Variants in ZP4 observed in about 807,000 individuals in gnomAD.
ZP4 encodes zona pellucida glycoprotein 4, also known as zona pellucida sperm-binding protein 4.
A neutral mutation model predicts 62.3 loss-of-function variants in ZP4; 62 were observed. The ratio of observed to expected loss-of-function variants is 0.99; its 90% CI spans 0.81 to 1.23. ZP4 has a LOEUF of 1.23. Ranked by LOEUF, ZP4 falls within the 50% of genes most tolerant of loss-of-function variation. ZP4 has a pLI of 0.00. For synonymous variants in ZP4, 289 were observed against 247.3 expected, an observed-to-expected ratio of 1.17 and a Z score of -1.58; for missense variants, 774 against 656.0, an observed-to-expected ratio of 1.18 and a Z score of -1.97.
At chr1:237,884,016 AAACACAC>A (rs1558531052) in intron 10 of ZP4, among the ~76,000 whole-genome samples, 1,133 of 80,340 alleles carry the variant, frequency 0.014, 12 homozygotes, top group Non-Finnish European at 0.019. Context: ...ACACACACAC[AAACACAC>A]ACACACACAA....
At chr1:237,890,292 G>A in intron 1 of ZP4, 116 bp from the exon 2 acceptor site, 3 of 1,545,212 alleles carry the variant, frequency 1.9e-6, no homozygotes, top group Non-Finnish European at 2.7e-6. Flanking sequence ...GAACAAGAGG[G>A]AAATCAGATT....
intron 3 of ZP4, among the ~76,000 whole-genome samples, chr1:237,889,624 T>C (rs1665189779): frequency 6.6e-6 from 1 of 152,156 alleles, no homozygotes; most frequent in African/African-American, 2.4e-5. Flanking sequence ...GCAGTAGTAT[T>C]TGCAGCACTA....
rs561134216 is a variant in ZP4, at chr1:237,889,387, C to T, written c.400+480G>A. Reference sequence around the variant, plus strand: ...AGGCTGTAGTGCAAGGGCACGATCTCAGCTCACCACAACCTCAGCCTCCCA... The same window carrying T: ...AGGCTGTAGTGCAAGGGCACGATCTTAGCTCACCACAACCTCAGCCTCCCA... On this transcript the variant is annotated intron_variant, in intron 3 of 11. Transcript: ENST00000366570. 2.6e-3 allele frequency among the ~76,000 whole-genome samples: 384 copies of T among 150,250 alleles called. 2 individuals carry two copies. The highest frequency in any genetic ancestry group is 4.0e-3 in the Non-Finnish European group (268 of 67,754).
chr1:237,883,102 T>C (rs1460421990), intron 10 of ZP4, among the ~76,000 whole-genome samples: 6 of 152,194 alleles, frequency 3.9e-5, no homozygotes, highest in Non-Finnish European at 7.3e-5. Context: ...AATAGTACTT[T>C]GACAGTATCA....
chr1:237,890,681 T>C lies in ZP4; in HGVS notation c.-46A>G, dbSNP rs1020875316. 7 of 1,580,230 alleles carry C rather than the reference T, an allele frequency of 4.4e-6. No individual in the cohort carries two copies. In the African/African-American group the frequency reaches 8.1e-5, roughly 18 times the overall value. Reference sequence around the variant, plus strand: ...CCGGCTGCAGACTCTCCGCCTCCTCTCCCAAGAGCCGAGGGTCTGCCTGCC... The same window carrying C: ...CCGGCTGCAGACTCTCCGCCTCCTCCCCCAAGAGCCGAGGGTCTGCCTGCC... On this transcript the variant is annotated 5_prime_UTR_variant, in exon 1 of 12. Transcript: ENST00000366570.
intron 3 of ZP4, among the ~76,000 whole-genome samples, chr1:237,889,215 G>C (rs1665178751): frequency 6.6e-6 from 1 of 152,012 alleles, no homozygotes; most frequent in Non-Finnish European, 1.5e-5. Context: ...TCTCCCCATG[G>C]GTGAAAAGCT....
chr1:237,890,446 A>G lies in ZP4; in HGVS notation c.175+15T>C. 6.2e-7 allele frequency: 1 copy of G among 1,600,510 alleles called. No homozygotes were observed. Among genetic ancestry groups the G allele is most frequent in the Non-Finnish European group, 8.5e-7 (1 of 1,173,854 alleles). On this transcript the variant is annotated intron_variant, in intron 1 of 11. Coordinates refer to ENST00000366570, the MANE Select transcript of ZP4 (RefSeq NM_021186.5). The stretch of plus-strand genomic sequence containing the variant: ...TATCATTGCTTGGCTAAGCAAGGCA[A>G]GTCATCAAACTTACCCCAAGCTATT...
chr1:237,883,738 A>AGGGAGAGG (rs1664987691), intron 10 of ZP4, among the ~76,000 whole-genome samples: 1 of 45,688 alleles, frequency 2.2e-5, no homozygotes, highest in Non-Finnish European at 5.4e-5. Context: ...GGAGGGAGAG[A>AGGGAGAGG]GAGGGAGAGA....
In ZP4 at chr1:237,888,504, T is replaced by A; in HGVS notation, c.407A>T (p.Asp136Val). The change falls in exon 4 of 12, where the codon GAT (aspartate) becomes GTT (valine). Residue 136 changes from aspartate (D) to valine (V), a missense_variant. Transcript: ENST00000366570. ...GTCACACCAGTCAGTATCTGGAGCA[T>A]CTCGGGCTAGGTTTTGAAAAAGAGT... ...LKCPMDLLAR[D>V]APDTDWCDSI... is the part of the protein sequence containing the mutation. 1.3e-6 allele frequency: 2 copies of A among 1,591,934 alleles called. No homozygotes were observed. The highest frequency in any genetic ancestry group is 1.1e-5 in the South Asian group (1 of 88,636).
chr1:237,885,431 C>CA lies in ZP4; in HGVS notation c.1119dup (p.Asp374Ter). ...GGCCACTGTGGCTGACTCAGGGGGTCAGTGCTGGGTGTTGCCCAACACTGT... is the reference window on the plus strand; with the variant it reads ...GGCCACTGTGGCTGACTCAGGGGGTCAAGTGCTGGGTGTTGCCCAACACTGT... On this transcript the variant is annotated frameshift_variant, in exon 8 of 12. Coordinates refer to ENST00000366570, the MANE Select transcript of ZP4 (RefSeq NM_021186.5). LOFTEE classifies it high-confidence loss of function. 3 of 1,613,242 alleles carry CA rather than the reference C, an allele frequency of 1.9e-6. No individual in the cohort carries two copies. Among genetic ancestry groups the CA allele is most frequent in the South Asian group, 2.2e-5 (2 of 90,976 alleles).
In ZP4 at chr1:237,885,856, A is replaced by G. The variant is rs145577798; in HGVS notation, c.870T>C (p.Ser290=). 3.7e-6 allele frequency: 6 copies of G among 1,614,174 alleles called. No homozygotes were observed. The highest frequency in any genetic ancestry group is 3.4e-6 in the Non-Finnish European group (4 of 1,180,040). ...RLHVSCSYSV[S]SNSLPINVQV... ...GGACATTGATTGGGAGAGAGTTGCT[A>G]CTTACTGAGTAGCTGCAGCTGACAT... is the stretch of plus-strand genomic sequence containing the variant. The change falls in exon 7 of 12, where the codon AGT becomes AGC. Residue 290 remains serine (S), a synonymous_variant. Transcript: ENST00000366570.
At chr1:237,890,211 G>A (rs78191260) in intron 1 of ZP4, 35 bp from the exon 2 acceptor site, 53,105 of 1,612,566 alleles carry the variant, frequency 0.033, 1,009 homozygotes, top group Non-Finnish European at 0.04. Context: ...AAAACACAGC[G>A]GTCAGTCTCC....
In ZP4 at chr1:237,890,748, C is replaced by T; in HGVS notation, c.-113G>A. 4.8e-6 allele frequency: 6 copies of T among 1,258,510 alleles called. No homozygotes were observed. The highest frequency in any genetic ancestry group is 6.5e-6 in the Non-Finnish European group (6 of 923,402). The allele number at this position is 1,258,510 out of a possible 1,614,324, so 78.0% of individuals were successfully genotyped here. ...CAGAAGTCAGGCTTGTTTTCAGCTGCACATCTTTGTGACACTCAGGTGGGA... is the reference window on the plus strand; with the variant it reads ...CAGAAGTCAGGCTTGTTTTCAGCTGTACATCTTTGTGACACTCAGGTGGGA... On this transcript the variant is annotated 5_prime_UTR_variant, in exon 1 of 12. Coordinates refer to ENST00000366570, the MANE Select transcript of ZP4 (RefSeq NM_021186.5).
chr1:237,889,747 AT>A, intron 3 of ZP4, 119 bp downstream of exon 3: 1 of 888,420 alleles, frequency 1.1e-6, no homozygotes, highest in Non-Finnish European at 1.8e-6. Context: ...GAGTTGGGAC[AT>A]GATCCTTCCT....
rs1284753168 is a variant in ZP4 at position 237,882,848 on chromosome 1, T to G, written c.1391-2A>C. 6.2e-7 allele frequency: 1 copy of G among 1,612,482 alleles called. No homozygotes were observed. Among genetic ancestry groups the G allele is most frequent in the Admixed American group, 1.7e-5 (1 of 59,608 alleles). The stretch of plus-strand genomic sequence containing the variant: ...AACTGTTGTCAAAATTTCTTCTTCC[T>G]GTTAGAGAAATGAGACCTAGTAATT... On this transcript the variant is annotated splice_acceptor_variant, in intron 10 of 11. Coordinates refer to ENST00000366570, the MANE Select transcript of ZP4 (RefSeq NM_021186.5). LOFTEE classifies it high-confidence loss of function.
intron 10 of ZP4, among the ~76,000 whole-genome samples, chr1:237,883,997 C>CAAACACACACAA (rs1464043254): frequency 5.1e-5 from 5 of 98,938 alleles, no homozygotes; most frequent in African/African-American, 2.4e-4. Context: ...CACACACACA[C>CAAACACACACAA]ACACACACAC....
At chr1:237,882,930 T>C (rs1454181306) in intron 10 of ZP4, 84 bp from the exon 11 acceptor site, 3 of 1,167,726 alleles carry the variant, frequency 2.6e-6, no homozygotes, top group African/African-American at 1.5e-5. Context: ...CAAGGCCAAG[T>C]GTCTCTATAA....
chr1:237,887,494 T>C lies in ZP4; in HGVS notation c.621A>G (p.Pro207=), dbSNP rs766814920. 9 of 1,614,034 alleles carry C rather than the reference T, an allele frequency of 5.6e-6. No individual in the cohort carries two copies. The African/African-American group carries it at 1.1e-4, about 19-fold the overall frequency. Residue 207 remains proline, a synonymous_variant, in exon 5 of 12, where the codon CCA becomes CCG. Transcript: ENST00000366570. ...CCAAGCGCACAGAATCCAAGAGCAG[T>C]GGTGGCGAGGTCACGTTCCGAGACA... ...IAVSRNVTSP[P]LLLDSVRLAL... is the part of the protein sequence containing the mutation.
rs1488990470 is a variant in ZP4 at position 237,882,773 on chromosome 1, G to C, written c.1464C>G (p.Leu488=). The C allele has an allele frequency of 1.2e-6, 2 of 1,614,144 alleles. No individual in the cohort carries two copies. The highest frequency in any genetic ancestry group is 2.2e-5 in the East Asian group (1 of 44,874). The change falls in exon 11 of 12, where the codon CTC becomes CTG. Residue 488 remains leucine (L), a synonymous_variant. Coordinates refer to ENST00000366570, the MANE Select transcript of ZP4 (RefSeq NM_021186.5). Reference sequence around the variant, plus strand: ...TTTCTGGAGGGTCCTTAGTGGCTTGGAGTAGAATCATGGGGCCTTTGCTAG... The same window carrying C: ...TTTCTGGAGGGTCCTTAGTGGCTTGCAGTAGAATCATGGGGCCTTTGCTAG... The part of the protein sequence containing the change: ...SVSSKGPMIL[L]QATKDPPEKL...
Sources: allele counts gnomAD v4.1 joint callset (sites outside exome capture counted in the v4.1 genomes callset), GRCh38; gene constraint gnomAD v4.1.1; transcripts MANE v1.5; gene names NCBI Gene and HGNC (gene_info 2026-07-23, HGNC 2026-07-21).